RGL1: variants seen among roughly 807,000 people sequenced by gnomAD.
The protein encoded by RGL1 is ral guanine nucleotide dissociation stimulator-like 1.
RGL1 carries 24 observed loss-of-function variants against 95.2 expected under a neutral mutation model. The observed-to-expected ratio is 0.25, with a 90% CI of 0.18 to 0.35. The LOEUF (loss-of-function observed/expected upper bound fraction) is 0.35. Ranked by LOEUF, RGL1 falls within the 10% of genes least tolerant of loss-of-function variation. The pLI, the probability that RGL1 is intolerant of heterozygous loss-of-function variation, is 1.00. For synonymous variants in RGL1, 329 were observed against 344.9 expected (o/e 0.95, Z 0.51); for missense variants, 715 against 936.3 (o/e 0.76, Z 3.08).
intron 3 of RGL1, among the ~76,000 whole-genome samples, chr1:183,850,379 C>T (rs114052763): frequency 1.3e-3 from 204 of 152,192 alleles, no homozygotes; most frequent in African/African-American, 4.9e-3. Flanking sequence ...TTTGTGTAGT[C>T]ATATCTATTA....
At chr1:183,842,332 C>CTTT (rs5779189) in intron 2 of RGL1, among the ~76,000 whole-genome samples, 1 of 146,416 alleles carries the variant, frequency 6.8e-6, no homozygotes. Context: ...ATTGAAGGGA[C>CTTT]TTTTTTTTTT....
intron 1 of RGL1, chr1:183,653,152 C>T (rs919432957): frequency 6.6e-6 from 1 of 152,116 alleles, no homozygotes; most frequent in Non-Finnish European, 1.5e-5. Flanking sequence ...CCTTTAAGTC[C>T]CATGCCCTGT....
chr1:183,795,441 C>T lies in RGL1; in HGVS notation c.133-10934C>T, dbSNP rs17501706. On this transcript the variant is annotated intron_variant, in intron 2 of 18. Transcript: ENST00000304685. The stretch of plus-strand genomic sequence containing the variant: ...GAGAGCACATAATAGGGGTATTTAA[C>T]TGAGGTGGGAGAGGAGAACAGGGAA... Among the ~76,000 whole-genome samples the T allele has an allele frequency of 2.6e-5, 4 of 152,044 alleles. No individual in the cohort carries two copies. In the East Asian group the frequency reaches 7.7e-4, roughly 29 times the overall value.
intron 16 of RGL1, among the ~76,000 whole-genome samples, chr1:183,919,010 C>T (rs1172158070): frequency 6.6e-6 from 1 of 152,178 alleles, no homozygotes; most frequent in East Asian, 1.9e-4. Flanking sequence ...CTCAGGACCC[C>T]TTTATACTCT....
chr1:183,686,819 A>G (rs1383133234), intron 1 of RGL1, among the ~76,000 whole-genome samples: 2 of 152,064 alleles, frequency 1.3e-5, no homozygotes, highest in African/African-American at 4.8e-5. Flanking sequence ...TATGCAATTT[A>G]AAAAAATACA....
intron 14 of RGL1, among the ~76,000 whole-genome samples, chr1:183,909,456 T>A (rs2102722918): frequency 6.6e-6 from 1 of 152,314 alleles, no homozygotes; most frequent in African/African-American, 2.4e-5. Flanking sequence ...GGAGGACCAC[T>A]AGTTGACATC....
intron 2 of RGL1, among the ~76,000 whole-genome samples, chr1:183,748,729 T>A (rs1290958180): frequency 6.6e-6 from 1 of 152,182 alleles, no homozygotes; most frequent in Non-Finnish European, 1.5e-5. Flanking sequence ...TGATTTTAGA[T>A]CTTTCCTGCT....
At chr1:183,648,169 C>G (rs372911064) in intron 1 of RGL1, 23 of 1,614,100 alleles carry the variant, frequency 1.4e-5, no homozygotes, top group Admixed American at 3.3e-5. Flanking sequence ...GATCCTGAGA[C>G]ACCACTTATA....
At chr1:183,696,040 C>G (rs1016664826) in intron 1 of RGL1, among the ~76,000 whole-genome samples, 2 of 152,162 alleles carry the variant, frequency 1.3e-5, no homozygotes, top group African/African-American at 4.8e-5. Flanking sequence ...TCTAACTATA[C>G]CTGAAAATAT....
At chr1:183,656,302 G>C (rs1273250340) in intron 1 of RGL1, among the ~76,000 whole-genome samples, 2 of 152,144 alleles carry the variant, frequency 1.3e-5, no homozygotes, top group Non-Finnish European at 2.9e-5. Context: ...AATGCCTAAA[G>C]TTTTGGTCAG....
intron 17 of RGL1, among the ~76,000 whole-genome samples, 161 bp from the exon 18 acceptor site, chr1:183,925,944 T>A (rs1464925784): frequency 1.3e-5 from 2 of 152,156 alleles, no homozygotes; most frequent in Non-Finnish European, 2.9e-5. Context: ...TGGGGCCAAT[T>A]TTTGGGGTAG....
At chr1:183,847,488 C>T in intron 2 of RGL1, 78 bp from the exon 3 acceptor site, 1 of 1,146,522 alleles carries the variant, frequency 8.7e-7, no homozygotes, top group South Asian at 1.3e-5. Context: ...CAGGCTATGG[C>T]CTTCAACTAT....
intron 1 of RGL1, chr1:183,648,068 G>A (rs1650434657): frequency 6.2e-7 from 1 of 1,614,126 alleles, no homozygotes; most frequent in African/African-American, 1.3e-5. Flanking sequence ...CATCAGTGAA[G>A]TAAGGTTTTA....
intron 2 of RGL1, among the ~76,000 whole-genome samples, chr1:183,785,121 T>C (rs1660091065): frequency 1.3e-5 from 2 of 152,192 alleles, no homozygotes; most frequent in African/African-American, 4.8e-5. Flanking sequence ...ATGCAAGTCT[T>C]CTCATGTAGC....
chr1:183,638,348 A>AT (rs1335055771), intron 1 of RGL1, among the ~76,000 whole-genome samples: 4 of 152,150 alleles, frequency 2.6e-5, no homozygotes, highest in Non-Finnish European at 5.9e-5. Flanking sequence ...CTAATGCAGT[A>AT]TTTTTTATTG....
At position 183,907,073 on chromosome 1, in the gene RGL1, C is replaced by T. The variant is rs371044087; in HGVS notation, c.1534C>T (p.Arg512Trp). 3 of 1,611,116 alleles carry T rather than the reference C, an allele frequency of 1.9e-6. No individual in the cohort carries two copies. The highest frequency in any genetic ancestry group is 2.5e-6 in the Non-Finnish European group (3 of 1,178,154). ...ADASTTSPKP[R>W]KSMVKRLSLL... Reference sequence around the variant, plus strand: ...CGCCAGCACCACCTCGCCCAAGCCTCGGAAGAGCATGGTGAAGAGACTCAG... The same window carrying T: ...CGCCAGCACCACCTCGCCCAAGCCTTGGAAGAGCATGGTGAAGAGACTCAG... The change falls in exon 14 of 18, where the codon CGG becomes TGG. Residue 512 changes from arginine to tryptophan, a missense_variant. Physicochemically the swap from Arg to Trp is moderately radical, Grantham distance 101 (BLOSUM62 -3). Coordinates refer to ENST00000360851, the MANE Select transcript of RGL1 (RefSeq NM_001297671.3).
At chr1:183,778,459 T>C (rs926710639) in intron 2 of RGL1, among the ~76,000 whole-genome samples, 1 of 152,214 alleles carries the variant, frequency 6.6e-6, no homozygotes, top group African/African-American at 2.4e-5. Context: ...AACTGTATAC[T>C]ATGTAAAGTT....
At chr1:183,671,518 T>C (rs1208696333) in intron 1 of RGL1, among the ~76,000 whole-genome samples, 1 of 152,092 alleles carries the variant, frequency 6.6e-6, no homozygotes, top group South Asian at 2.1e-4. Context: ...AAAGGAAGCA[T>C]TTACTATATC....
intron 2 of RGL1, among the ~76,000 whole-genome samples, chr1:183,775,091 T>C (rs1212778338): frequency 6.6e-6 from 1 of 152,190 alleles, no homozygotes; most frequent in Admixed American, 6.5e-5. Flanking sequence ...CTCAGGTAGA[T>C]GGATTTAAGA....
Sources: gnomAD v4.1 joint callset for allele counts (sites outside exome capture counted in the v4.1 genomes callset) on GRCh38, gnomAD v4.1.1 for gene constraint, MANE v1.5 for transcripts, NCBI Gene and HGNC (gene_info 2026-07-23, HGNC 2026-07-21) for gene names.